ASPA: variants seen among roughly 807,000 people sequenced by gnomAD.
The protein encoded by ASPA is ACY-2.
ASPA carries 25 observed loss-of-function variants against 29.6 expected under a neutral mutation model. The observed-to-expected ratio is 0.85, with a 90% CI of 0.62 to 1.18. The LOEUF (loss-of-function observed/expected upper bound fraction) is 1.18. Ranked by LOEUF, ASPA falls within the 50% of genes most tolerant of loss-of-function variation. The pLI, the probability that ASPA is intolerant of heterozygous loss-of-function variation, is 0.00. For synonymous variants in ASPA, 131 were observed against 130.3 expected (o/e 1.01, Z -0.04); for missense variants, 333 against 385.7 (o/e 0.86, Z 1.14).
chr17:3,483,411 C>A, intron 2 of ASPA, 88 bp from the exon 3 acceptor site: 1 of 1,094,764 alleles, frequency 9.1e-7, no homozygotes, highest in Non-Finnish European at 1.4e-6. Context: ...TGAAGTAAAA[C>A]GTATTGAAGG....
intron 5 of ASPA, among the ~76,000 whole-genome samples, chr17:3,496,850 C>T (rs914365240): frequency 5.9e-5 from 9 of 151,978 alleles, no homozygotes; most frequent in African/African-American, 1.7e-4. Flanking sequence ...GCGGATCACG[C>T]GGTCAGGAGA....
intron 4 of ASPA, among the ~76,000 whole-genome samples, chr17:3,492,368 T>C (rs2150756731): frequency 6.6e-6 from 1 of 152,324 alleles, no homozygotes; most frequent in Admixed American, 6.5e-5. Flanking sequence ...TTGTGTTCTA[T>C]CAGTTTTTAC....
intron 1 of ASPA, among the ~76,000 whole-genome samples, chr17:3,480,629 G>A (rs967362000): frequency 2.0e-5 from 3 of 152,160 alleles, no homozygotes; most frequent in Admixed American, 6.5e-5. Flanking sequence ...AGAATCTTGC[G>A]GCCCTCCAGC....
Position 3,476,326 on chromosome 17 carries a change from G to C in ASPA, c.167G>C (p.Arg56Thr). Residue 56 changes from arginine to threonine, a missense_variant, in exon 1 of 6, where the codon AGA (arginine) becomes ACA (threonine). By Grantham distance (71) the Arg-to-Thr change is moderately conservative (BLOSUM62 -1). Transcript: ENST00000263080. ...GTAAAACCATTTATTACTAACCCCA[G>C]AGCAGTGAAGAAGTGTACCAGATAT... ...LEVKPFITNP[R>T]AVKKCTRYID... The C allele has an allele frequency of 6.2e-7, 1 of 1,614,188 alleles. No individual in the cohort carries two copies. The highest frequency in any genetic ancestry group is 8.5e-7 in the Non-Finnish European group (1 of 1,180,040).
chr17:3,475,208 T>TG (rs1172215127), upstream of ASPA, among the ~76,000 whole-genome samples: 1 of 152,176 alleles, frequency 6.6e-6, no homozygotes, highest in Non-Finnish European at 1.5e-5. Context: ...TCCAAAGGGA[T>TG]GTAATCATCT....
Position 3,481,376 on chromosome 17 carries a change from C to T in ASPA, c.237-227C>T, listed in dbSNP as rs116428477. Among the ~76,000 whole-genome samples, 1,118 of 152,168 alleles carry T rather than the reference C, an allele frequency of 7.3e-3. 14 individuals carry two copies. Among genetic ancestry groups the T allele is most frequent in the African/African-American group, 0.025 (1,027 of 41,516 alleles). ...ATTCATGACCAGCCACATAAATGCA[C>T]GTATTACTTCGCAAGCATGCCAATG... On this transcript the variant is annotated intron_variant, in intron 1 of 5. Coordinates refer to ENST00000263080, the MANE Select transcript of ASPA (RefSeq NM_000049.4).
rs1001307865 is a variant in ASPA, at chr17:3,481,211, GA to G, written c.237-385del. 7.9e-5 allele frequency among the ~76,000 whole-genome samples: 12 copies of G among 152,120 alleles called. 1 individual carries two copies. The Middle Eastern group carries it at 0.014, about 172-fold the overall frequency. On this transcript the variant is annotated intron_variant, in intron 1 of 5. Transcript: ENST00000263080. ...TGCACTAGAATTAGCTAAAGTGGGG[GA>G]AAAAAAGATGCATTTGATGGTCTAG... is the stretch of plus-strand genomic sequence containing the variant.
intron 1 of ASPA, 78 bp downstream of exon 1, chr17:3,476,473 G>A: frequency 2.3e-6 from 3 of 1,297,486 alleles, no homozygotes; most frequent in East Asian, 2.3e-5. Flanking sequence ...ACACATATAT[G>A]TATATGCAGA....
intron 1 of ASPA, among the ~76,000 whole-genome samples, chr17:3,478,010 G>A (rs1488751648): frequency 2.6e-5 from 4 of 151,564 alleles, no homozygotes; most frequent in South Asian, 2.1e-4. Context: ...GTAAAACCCC[G>A]TCTCTACTAA....
At chr17:3,474,431 G>T (rs1373358309), upstream of ASPA, among the ~76,000 whole-genome samples, 2 of 152,174 alleles carry the variant, frequency 1.3e-5, no homozygotes, top group African/African-American at 2.4e-5. Flanking sequence ...GCATAGTAGA[G>T]TGTTAATAAT....
intron 4 of ASPA, among the ~76,000 whole-genome samples, chr17:3,491,127 C>T (rs377038810): frequency 2.6e-5 from 4 of 152,222 alleles, no homozygotes; most frequent in African/African-American, 7.2e-5. Flanking sequence ...AAGACATATG[C>T]GACATGCTTA....
Position 3,501,646 on chromosome 17 carries a change from G to T in ASPA, c.*2558G>T. ...AGCAGCAGCAGGGTTTAAGAGGATTGACTCCTATTTTGAAATGAGTTCGGC... is the reference window on the plus strand; with the variant it reads ...AGCAGCAGCAGGGTTTAAGAGGATTTACTCCTATTTTGAAATGAGTTCGGC... On this transcript the variant is annotated 3_prime_UTR_variant, in exon 6 of 6. Coordinates refer to ENST00000263080, the MANE Select transcript of ASPA (RefSeq NM_000049.4). 1 of 162,248 alleles carries T rather than the reference G, an allele frequency of 6.2e-6. No homozygotes were observed. The allele number at this position is 162,248 out of a possible 1,614,324, so 10.1% of individuals were successfully genotyped here. A position where few individuals can be genotyped will look rare whatever the true frequency, so the allele number is the denominator to read the frequency against.
At chr17:3,495,098 A>T (rs999248391) in intron 5 of ASPA, among the ~76,000 whole-genome samples, 1 of 152,148 alleles carries the variant, frequency 6.6e-6, no homozygotes, top group Admixed American at 6.5e-5. Context: ...GAAGGAAAAA[A>T]AAAAGGCTCT....
In ASPA at chr17:3,501,121, T is replaced by A. The variant is rs1173267058; in HGVS notation, c.*2033T>A. 2 of 151,566 alleles carry A rather than the reference T, an allele frequency of 1.3e-5. No homozygotes were observed. The allele number at this position is 151,566 out of a possible 1,614,324, so 9.4% of individuals were successfully genotyped here. A position where few individuals can be genotyped will look rare whatever the true frequency, so the allele number is the denominator to read the frequency against. ...TCATTGTGACTTTCAAATCTAACTA[T>A]TTAAGAAATACATTTCAGGCTGGGG... On this transcript the variant is annotated 3_prime_UTR_variant, in exon 6 of 6. Coordinates refer to ENST00000263080, the MANE Select transcript of ASPA (RefSeq NM_000049.4).
In ASPA at chr17:3,490,458, T is replaced by G. The variant is rs2073805203; in HGVS notation, c.634+1116T>G. Among the ~76,000 whole-genome samples, 1 of 152,222 alleles carries G rather than the reference T, an allele frequency of 6.6e-6. No homozygotes were observed. The highest frequency in any genetic ancestry group is 1.5e-5 in the Non-Finnish European group (1 of 68,042). Reference sequence around the variant, plus strand: ...CCAACAGACTGAGTTGAAATTGTTGTTGAGGAATGGGCAATTATAATAACA... The same window carrying G: ...CCAACAGACTGAGTTGAAATTGTTGGTGAGGAATGGGCAATTATAATAACA... On this transcript the variant is annotated intron_variant, in intron 4 of 5. Coordinates refer to ENST00000263080, the MANE Select transcript of ASPA (RefSeq NM_000049.4). The surrounding 1 kb of genome is among the most constrained non-coding windows in gnomAD (Gnocchi z 4.6).
At chr17:3,494,075 T>C (rs909099613) in intron 4 of ASPA, among the ~76,000 whole-genome samples, 2 of 151,532 alleles carry the variant, frequency 1.3e-5, no homozygotes, top group Admixed American at 6.6e-5. Context: ...TCACTCTTGT[T>C]GCCCAGGTTG....
chr17:3,481,601 A>T lies in ASPA; in HGVS notation c.237-2A>T, dbSNP rs780936696. The T allele has an allele frequency of 3.7e-6, 6 of 1,612,944 alleles. No individual in the cohort carries two copies. The highest frequency in any genetic ancestry group is 1.3e-5 in the African/African-American group (1 of 74,902). ...TCATCTTTTTCTTTCTGCTTATAACAGCAAAAAAATGTCAGAAGATTTGCC... is the reference window on the plus strand; with the variant it reads ...TCATCTTTTTCTTTCTGCTTATAACTGCAAAAAAATGTCAGAAGATTTGCC... On this transcript the variant is annotated splice_acceptor_variant, in intron 1 of 5. Coordinates refer to ENST00000263080, the MANE Select transcript of ASPA (RefSeq NM_000049.4). LOFTEE classifies it high-confidence loss of function.
intron 3 of ASPA, 27 bp from the exon 4 acceptor site, chr17:3,489,208 T>C (rs1470039709): frequency 3.1e-6 from 4 of 1,308,216 alleles, no homozygotes; most frequent in Non-Finnish European, 4.4e-6. Context: ...CTTATATAAA[T>C]GTGACTATCT....
chr17:3,483,397 T>G, intron 2 of ASPA, 102 bp from the exon 3 acceptor site: 1 of 969,090 alleles, frequency 1.0e-6, no homozygotes, highest in South Asian at 1.3e-5. Flanking sequence ...CCAATCTTAG[T>G]TGATGAAGTA....
Sources: gnomAD v4.1 joint callset for allele counts (sites outside exome capture counted in the v4.1 genomes callset) on GRCh38, gnomAD v4.1.1 for gene constraint, Gnocchi (gnomAD v3.1) non-coding constraint, MANE v1.5 for transcripts, NCBI Gene and HGNC (gene_info 2026-07-23, HGNC 2026-07-21) for gene names.